Variants in UMODL1 observed in about 807,000 individuals in gnomAD.
The protein encoded by UMODL1 is uromodulin like 1, also known as uromodulin-like 1.
Under a neutral mutation model 136.3 loss-of-function variants are expected in UMODL1, and 128 were observed. The ratio of observed to expected loss-of-function variants is 0.94; its 90% CI spans 0.81 to 1.09. The LOEUF is 1.09. UMODL1 is among the 50% of genes least tolerant of loss of function. The probability of loss-of-function intolerance (pLI) is 0.00; values close to 1 mark genes in which losing one functional copy is unlikely to be tolerated. For missense variants in UMODL1, 1,766 were observed against 1,725.6 expected (o/e 1.02, Z -0.41); for synonymous variants, 721 against 720.0 (o/e 1.00, Z -0.02).
chr21:42,110,242 G>C (rs950526180), intron 10 of UMODL1, among the ~76,000 whole-genome samples: 5 of 152,244 alleles, frequency 3.3e-5, no homozygotes, highest in African/African-American at 1.2e-4. Flanking sequence ...TGAGCAGCAG[G>C]AGGAGGCCAC....
At chr21:42,087,247 T>C (rs2066436791) in intron 4 of UMODL1, among the ~76,000 whole-genome samples, 1 of 152,216 alleles carries the variant, frequency 6.6e-6, no homozygotes, top group Non-Finnish European at 1.5e-5. Context: ...CTCTGAGGCC[T>C]GCTTCTGCTG....
At position 42,110,945 on chromosome 21, in the gene UMODL1, G is replaced by A; in HGVS notation, c.1723G>A (p.Gly575Ser). ...AATGVTVPGL[G>S]TGTAALGLEN... ...AACAGGGGTAACGGTCCCAGGTCTT[G>A]GCACGGGAACAGCAGCCCTCGGCCT... is the stretch of plus-strand genomic sequence containing the variant. The change falls in exon 11 of 23, where the codon GGC (glycine) becomes AGC (serine). Residue 575 changes from glycine to serine, a missense_variant. Gly to Ser is a moderately conservative substitution (Grantham distance 56, BLOSUM62 0). Coordinates refer to ENST00000408910, the MANE Select transcript of UMODL1 (RefSeq NM_001004416.3). 1.2e-6 allele frequency: 2 copies of A among 1,613,142 alleles called. No individual in the cohort carries two copies.
At chr21:42,141,451 C>T (rs1054817726) in intron 22 of UMODL1, among the ~76,000 whole-genome samples, 3 of 152,222 alleles carry the variant, frequency 2.0e-5, no homozygotes, top group African/African-American at 7.2e-5. Flanking sequence ...GAGGAAATGT[C>T]AGTGCCTTTT....
chr21:42,086,385 C>T (rs1216328463), intron 4 of UMODL1: 9 of 378,340 alleles, frequency 2.4e-5, no homozygotes, highest in Non-Finnish European at 3.8e-5. Flanking sequence ...ACTCCTTGGC[C>T]GTTAGACTAA....
intron 12 of UMODL1, among the ~76,000 whole-genome samples, chr21:42,112,456 C>T (rs1485350706): frequency 1.3e-5 from 2 of 151,742 alleles, no homozygotes; most frequent in Non-Finnish European, 2.9e-5. Context: ...CTGTATCTGC[C>T]CAGCTGCTCT....
chr21:42,077,526 A>G (rs1049266845), intron 2 of UMODL1, among the ~76,000 whole-genome samples: 2 of 79,826 alleles, frequency 2.5e-5, no homozygotes, highest in African/African-American at 6.9e-5. Flanking sequence ...AGAAAAGTAA[A>G]CAGTTCCAGG....
intron 6 of UMODL1, among the ~76,000 whole-genome samples, chr21:42,096,976 T>C (rs1040468853): frequency 6.6e-6 from 1 of 152,160 alleles, no homozygotes; most frequent in Non-Finnish European, 1.5e-5. Flanking sequence ...GGCCAGGCAG[T>C]GAGTGGGGGG....
rs1377048773 is a variant in UMODL1, at chr21:42,088,401, A to G, written c.711A>G (p.Pro237=). ...GGCTGCTACTGGGCCTGCCACGGCC[A>G]CTGCCTGTGGCTGACGTCTCCACCC... The part of the protein sequence containing the change: ...VSRLLLGLPR[P]LPVADVSTLL... Residue 237 remains proline, a synonymous_variant, in exon 5 of 23, where the codon CCA becomes CCG. Transcript: ENST00000408910. The G allele has an allele frequency of 6.2e-7, 1 of 1,613,928 alleles. No homozygotes were observed. The highest frequency in any genetic ancestry group is 2.2e-5 in the East Asian group (1 of 44,888).
chr21:42,131,901 A>G (rs2067139070), intron 21 of UMODL1, among the ~76,000 whole-genome samples: 1 of 152,198 alleles, frequency 6.6e-6, no homozygotes, highest in African/African-American at 2.4e-5. Flanking sequence ...TTCACCCTAT[A>G]AGAAATAGCA....
In UMODL1 at chr21:42,109,696, G is replaced by A; in HGVS notation, c.1654G>A (p.Glu552Lys). ...CCCCTCCCGCGCAGGCCGGGCCTGT[G>A]AGGGTACGTGTCGACCCCCCTGCCG... The part of the protein sequence containing the change: ...ATPSRAGRAC[E>K]GDLVSPMGGG... The change falls in exon 10 of 23, where the codon GAG becomes AAG. Residue 552 changes from glutamate (E) to lysine (K), a missense_variant. Transcript: ENST00000408910. 6.2e-7 allele frequency: 1 copy of A among 1,601,996 alleles called. No individual in the cohort carries two copies. Among genetic ancestry groups the A allele is most frequent in the Non-Finnish European group, 8.5e-7 (1 of 1,179,880 alleles).
chr21:42,085,543 A>G lies in UMODL1; in HGVS notation c.603+131A>G. Reference sequence around the variant, plus strand: ...TTCCCCAAATGGCCCCAAATGACTGACTCTGAACGAAATTCTAGTTCTTAA... The same window carrying G: ...TTCCCCAAATGGCCCCAAATGACTGGCTCTGAACGAAATTCTAGTTCTTAA... On this transcript the variant is annotated intron_variant, in intron 4 of 22. Coordinates refer to ENST00000408910, the MANE Select transcript of UMODL1 (RefSeq NM_001004416.3). The surrounding 1 kb of genome is among the most constrained non-coding windows in gnomAD (Gnocchi z 4.5). The G allele has an allele frequency of 7.2e-7, 1 of 1,384,338 alleles. No homozygotes were observed. Among genetic ancestry groups the G allele is most frequent in the African/African-American group, 1.4e-5 (1 of 69,220 alleles). The allele number at this position is 1,384,338 out of a possible 1,614,324, so 85.8% of individuals were successfully genotyped here. A position where few individuals can be genotyped will look rare whatever the true frequency, so the allele number is the denominator to read the frequency against.
At chr21:42,067,140 A>T (rs1374235987), upstream of UMODL1, among the ~76,000 whole-genome samples, 3 of 151,782 alleles carry the variant, frequency 2.0e-5, no homozygotes, top group Non-Finnish European at 4.4e-5. Context: ...CACCTGGCTA[A>T]TTTTTGTATT....
intron 22 of UMODL1, among the ~76,000 whole-genome samples, chr21:42,139,789 C>G (rs1195954282): frequency 6.6e-6 from 1 of 152,168 alleles, no homozygotes; most frequent in Non-Finnish European, 1.5e-5. Flanking sequence ...TGGTCTCTAG[C>G]ACTGGTCCCG....
Position 42,084,035 on chromosome 21 carries a change from AG to A in UMODL1, c.320-47del, listed in dbSNP as rs1439717748. On this transcript the variant is annotated intron_variant, in intron 2 of 22. Coordinates refer to ENST00000408910, the MANE Select transcript of UMODL1 (RefSeq NM_001004416.3). ...ACGTGAGGTCCCCGTGCAGCAAATC[AG>A]GTTTGTCTTTTATCGCCAGTATCAT... 6.3e-6 allele frequency: 10 copies of A among 1,595,258 alleles called. No homozygotes were observed. The East Asian group carries it at 2.0e-4, about 32-fold the overall frequency.
Position 42,088,301 on chromosome 21 carries a change from G to A in UMODL1, c.611G>A (p.Ser204Asn). Residue 204 changes from serine (S) to asparagine (N), a missense_variant, in exon 5 of 23, where the codon AGC (serine) becomes AAC (asparagine). By Grantham distance (46) the Ser-to-Asn change is conservative. Transcript: ENST00000408910. ...HMRLLHSLVT[S>N]ALQPMASTVH... ...CTGATTCTGCCTTCACAGGTCACCA[G>A]CGCCCTGCAACCAATGGCCTCCACC... 1 of 1,612,468 alleles carries A rather than the reference G, an allele frequency of 6.2e-7. No homozygotes were observed. Among genetic ancestry groups the A allele is most frequent in the Non-Finnish European group, 8.5e-7 (1 of 1,179,030 alleles).
At chr21:42,126,663 C>T (rs1441818259) in intron 18 of UMODL1, among the ~76,000 whole-genome samples, 173 bp downstream of exon 18, 3 of 152,200 alleles carry the variant, frequency 2.0e-5, no homozygotes, top group Non-Finnish European at 4.4e-5. Flanking sequence ...TCAGGGCTAG[C>T]CAGAGAAGGC....
At position 42,088,348 on chromosome 21, in the gene UMODL1, C is replaced by T. The variant is rs749207881; in HGVS notation, c.658C>T (p.Pro220Ser). 54 of 1,613,918 alleles carry T rather than the reference C, an allele frequency of 3.3e-5. No individual in the cohort carries two copies. The East Asian group carries it at 8.2e-4, about 25-fold the overall frequency. The change falls in exon 5 of 23, where the codon CCT becomes TCT. Residue 220 changes from proline (P) to serine (S), a missense_variant. Pro to Ser is a moderately conservative substitution (Grantham distance 74, BLOSUM62 -1). Coordinates refer to ENST00000408910, the MANE Select transcript of UMODL1 (RefSeq NM_001004416.3). ...CACCGTCCACCACCTGCACTCAGCC[C>T]CTGGGAACGCCTCCACCACAGTGTC... Reference protein sequence around the residue: ...ASTVHHLHSAPGNASTTVSRL... With the variant: ...ASTVHHLHSASGNASTTVSRL...
chr21:42,104,525 C>T (rs914235128), intron 9 of UMODL1, among the ~76,000 whole-genome samples: 11 of 151,902 alleles, frequency 7.2e-5, no homozygotes, highest in African/African-American at 2.7e-4. Context: ...TCTTGGCTCA[C>T]TGCAACCTCC....
intron 20 of UMODL1, among the ~76,000 whole-genome samples, chr21:42,128,869 T>C (rs904959487): frequency 6.6e-6 from 1 of 152,224 alleles, no homozygotes; most frequent in Non-Finnish European, 1.5e-5. Flanking sequence ...TCCGGGCTGC[T>C]GTAGGAACGT....
Sources: allele counts gnomAD v4.1 joint callset (sites outside exome capture counted in the v4.1 genomes callset), GRCh38; gene constraint gnomAD v4.1.1; non-coding constraint Gnocchi (gnomAD v3.1); transcripts MANE v1.5; gene names NCBI Gene and HGNC (gene_info 2026-07-23, HGNC 2026-07-21).